Variants in RGL1 observed in about 807,000 individuals in gnomAD.
RGL1 encodes ral guanine nucleotide dissociation stimulator like 1, also known as ral guanine nucleotide dissociation stimulator-like 1.
RGL1 carries 24 observed loss-of-function variants against 95.2 expected under a neutral mutation model. The ratio of observed to expected loss-of-function variants is 0.25; its 90% confidence interval spans 0.18 to 0.35. The LOEUF (loss-of-function observed/expected upper bound fraction) is 0.35. Among genes scored for constraint, RGL1 ranks in the 10% least tolerant of loss-of-function variants. RGL1 has a pLI of 1.00. For synonymous variants in RGL1, 329 were observed against 344.9 expected (o/e 0.95, Z 0.51); for missense variants, 715 against 936.3 (o/e 0.76, Z 3.08).
At chr1:183,816,481 T>A (rs1036934409) in intron 2 of RGL1, among the ~76,000 whole-genome samples, 1 of 152,198 alleles carries the variant, frequency 6.6e-6, no homozygotes, top group African/African-American at 2.4e-5. Context: ...CCCCACTGCC[T>A]CAGCCAGGAA....
chr1:183,881,371 G>T (rs1666818264), intron 5 of RGL1, among the ~76,000 whole-genome samples: 1 of 152,180 alleles, frequency 6.6e-6, no homozygotes, highest in Non-Finnish European at 1.5e-5. Flanking sequence ...GCATCTATAA[G>T]GGCCTCATCA....
intron 2 of RGL1, among the ~76,000 whole-genome samples, chr1:183,792,547 C>A (rs2102381398): frequency 6.6e-6 from 1 of 152,142 alleles, no homozygotes. Flanking sequence ...TCTTTGCAGA[C>A]AACATGATCT....
intron 1 of RGL1, among the ~76,000 whole-genome samples, chr1:183,658,892 G>A (rs1434875419): frequency 5.3e-5 from 8 of 151,342 alleles, no homozygotes; most frequent in South Asian, 4.2e-4. Context: ...CAGCATTCAC[G>A]GTTCACGAAA....
chr1:183,896,371 C>A (rs1257910194), intron 9 of RGL1, among the ~76,000 whole-genome samples: 1 of 152,208 alleles, frequency 6.6e-6, no homozygotes, highest in East Asian at 1.9e-4. Flanking sequence ...TCATTCATCC[C>A]TGTGAAAAAC....
intron 2 of RGL1, among the ~76,000 whole-genome samples, chr1:183,780,944 G>A (rs1157209654): frequency 1.3e-5 from 2 of 152,160 alleles, no homozygotes; most frequent in Admixed American, 1.3e-4. Context: ...CCAGTTCTCT[G>A]CAGCTGGTTT....
At chr1:183,684,897 G>T (rs1350437708) in intron 1 of RGL1, among the ~76,000 whole-genome samples, 1 of 152,140 alleles carries the variant, frequency 6.6e-6, no homozygotes, top group Non-Finnish European at 1.5e-5. Context: ...CCCTGCTTCG[G>T]CTCACCCTCC....
chr1:183,748,857 C>T (rs1657819518), intron 2 of RGL1, among the ~76,000 whole-genome samples: 1 of 152,110 alleles, frequency 6.6e-6, no homozygotes, highest in Non-Finnish European at 1.5e-5. Flanking sequence ...TTATTTATTT[C>T]TGCCTTTATT....
chr1:183,652,133 T>C (rs1650803758), intron 1 of RGL1, among the ~76,000 whole-genome samples: 2 of 152,230 alleles, frequency 1.3e-5, no homozygotes, highest in Admixed American at 1.3e-4. Flanking sequence ...AGGTGATGTG[T>C]ATGTGGAGTT....
intron 7 of RGL1, among the ~76,000 whole-genome samples, chr1:183,885,559 A>G (rs1403661019): frequency 1.3e-5 from 2 of 152,152 alleles, no homozygotes; most frequent in Non-Finnish European, 2.9e-5. Flanking sequence ...CTCTTGGATG[A>G]ACTGCTTACA....
At chr1:183,883,730 T>A (rs1666951028) in intron 5 of RGL1, 56 bp from the exon 6 acceptor site, 1 of 1,599,778 alleles carries the variant, frequency 6.3e-7, no homozygotes, top group African/African-American at 1.3e-5. Flanking sequence ...GATGACTCTA[T>A]AAGCAAGATT....
intron 11 of RGL1, among the ~76,000 whole-genome samples, chr1:183,901,869 C>G (rs1195080739): frequency 6.6e-6 from 1 of 152,000 alleles, no homozygotes; most frequent in Non-Finnish European, 1.5e-5. Context: ...TATATACTAC[C>G]CCCTTGTTAT....
chr1:183,814,236 C>A lies in RGL1; in HGVS notation c.138+7751C>A, dbSNP rs539356905. ...GAGAATCATGTCATTTCCCACTGAT[C>A]CTTTTGTCTTGTCATTGTAGAAATA... On this transcript the variant is annotated intron_variant, in intron 2 of 17. Transcript: ENST00000360851. Among the ~76,000 whole-genome samples, 21 of 152,212 alleles carry A rather than the reference C, an allele frequency of 1.4e-4. No individual in the cohort carries two copies. In the South Asian group the frequency reaches 4.4e-3, roughly 32 times the overall value.
chr1:183,778,783 G>A (rs1659727639), intron 2 of RGL1, among the ~76,000 whole-genome samples: 1 of 152,176 alleles, frequency 6.6e-6, no homozygotes, highest in African/African-American at 2.4e-5. Flanking sequence ...AAGTCTCTCT[G>A]AGCAGATTGA....
At chr1:183,726,932 T>C (rs1242537499) in intron 1 of RGL1, among the ~76,000 whole-genome samples, 2 of 152,164 alleles carry the variant, frequency 1.3e-5, no homozygotes, top group Admixed American at 6.5e-5. Context: ...CTATTGCTGA[T>C]TTTTGGATTT....
chr1:183,671,034 G>T (rs1652410454), intron 1 of RGL1, among the ~76,000 whole-genome samples: 1 of 152,154 alleles, frequency 6.6e-6, no homozygotes, highest in Non-Finnish European at 1.5e-5. Flanking sequence ...AGAAGAGGAA[G>T]GGGAAGCAAG....
intron 2 of RGL1, among the ~76,000 whole-genome samples, chr1:183,797,741 A>G (rs1409955603): frequency 5.9e-5 from 9 of 152,254 alleles, no homozygotes; most frequent in Non-Finnish European, 1.5e-5. Flanking sequence ...AGCAAAAAGC[A>G]GGTGAAACCA....
chr1:183,922,296 C>T lies in RGL1; in HGVS notation c.2079C>T (p.Ala693=), dbSNP rs773001576. ...MLKHNLDSDP[A]EEYELVQVIS... is the part of the protein sequence containing the mutation. The stretch of plus-strand genomic sequence containing the variant: ...AGCACAATCTGGACTCAGACCCCGC[C>T]GAGGAGTACGAGCTGGTGCAGGTCA... The change falls in exon 17 of 18, where the codon GCC becomes GCT. Residue 693 remains alanine, a synonymous_variant. Coordinates refer to ENST00000360851, the MANE Select transcript of RGL1 (RefSeq NM_001297671.3). 8 of 1,614,010 alleles carry T rather than the reference C, an allele frequency of 5.0e-6. No individual in the cohort carries two copies. Among genetic ancestry groups the T allele is most frequent in the Middle Eastern group, 1.6e-4 (1 of 6,062 alleles).
At chr1:183,782,060 A>G (rs1659928944) in intron 2 of RGL1, among the ~76,000 whole-genome samples, 1 of 152,216 alleles carries the variant, frequency 6.6e-6, no homozygotes, top group Non-Finnish European at 1.5e-5. Flanking sequence ...CTCTTAAGCT[A>G]ATCAATAGAA....
intron 1 of RGL1, chr1:183,646,480 G>A (rs1650301961): frequency 6.6e-6 from 1 of 151,952 alleles, no homozygotes; most frequent in South Asian, 2.1e-4. Flanking sequence ...CATTTTTCTT[G>A]TAATGTATCT....
Sources: allele counts gnomAD v4.1 joint callset (sites outside exome capture counted in the v4.1 genomes callset), GRCh38; gene constraint gnomAD v4.1.1; transcripts MANE v1.5; gene names NCBI Gene and HGNC (gene_info 2026-07-23, HGNC 2026-07-21).